SMAP1: variants seen among roughly 807,000 people sequenced by gnomAD.
SMAP1 encodes small ArfGAP 1, also known as stromal membrane-associated protein 1.
In SMAP1, 24 loss-of-function variants were observed where a neutral mutation model predicts 58.5. The observed-to-expected ratio is 0.41, with a 90% CI of 0.30 to 0.58. The LOEUF is 0.58. Ranked by LOEUF, SMAP1 falls within the 20% of genes least tolerant of loss-of-function variation. The pLI is 0.29. For synonymous variants in SMAP1, 216 were observed against 196.6 expected (o/e 1.10, Z -0.82); for missense variants, 563 against 566.3 (o/e 0.99, Z 0.06).
intron 5 of SMAP1, among the ~76,000 whole-genome samples, chr6:70,795,045 A>G (rs565535314): frequency 6.6e-6 from 1 of 152,106 alleles, no homozygotes; most frequent in South Asian, 2.1e-4. Flanking sequence ...TTCTTAATCC[A>G]GTCTGTCATT....
intron 7 of SMAP1, among the ~76,000 whole-genome samples, chr6:70,849,657 C>A (rs1484241375): frequency 6.6e-6 from 1 of 152,140 alleles, no homozygotes; most frequent in Non-Finnish European, 1.5e-5. Context: ...AATCCCCTAC[C>A]TACACATACA....
intron 1 of SMAP1, among the ~76,000 whole-genome samples, chr6:70,678,930 C>T (rs1766589053): frequency 6.6e-6 from 1 of 152,048 alleles, no homozygotes; most frequent in South Asian, 2.1e-4. Flanking sequence ...ACAGAGATTC[C>T]AAGGATAGAA....
intron 6 of SMAP1, among the ~76,000 whole-genome samples, chr6:70,828,536 C>A (rs1235965120): frequency 6.6e-6 from 1 of 152,170 alleles, no homozygotes; most frequent in African/African-American, 2.4e-5. Flanking sequence ...ATTTTTCTTC[C>A]TCACTGCAGT....
intron 3 of SMAP1, among the ~76,000 whole-genome samples, chr6:70,770,038 C>T (rs1405446376): frequency 6.6e-6 from 1 of 151,572 alleles, no homozygotes; most frequent in African/African-American, 2.4e-5. Context: ...ATATGAAATT[C>T]TGGCTTGAAA....
intron 3 of SMAP1, among the ~76,000 whole-genome samples, chr6:70,766,171 G>C (rs1248659113): frequency 6.6e-5 from 10 of 152,066 alleles, no homozygotes; most frequent in Admixed American, 6.5e-4. Flanking sequence ...TTGGTTCCAA[G>C]TCTTTGCTAT....
chr6:70,745,317 T>A (rs1355673467), intron 2 of SMAP1, among the ~76,000 whole-genome samples: 1 of 152,238 alleles, frequency 6.6e-6, no homozygotes, highest in Non-Finnish European at 1.5e-5. Context: ...GTCTAACATG[T>A]AAGTCTTTAA....
intron 1 of SMAP1, among the ~76,000 whole-genome samples, chr6:70,712,781 TTTC>T (rs1768106886): frequency 6.8e-6 from 1 of 147,984 alleles, no homozygotes; most frequent in African/African-American, 2.6e-5. Flanking sequence ...TCTTTTCTTT[TTTC>T]TTTTTTTCTT....
intron 1 of SMAP1, among the ~76,000 whole-genome samples, chr6:70,725,093 GTTTTTTTTTTTTTTTTTTTTTTTTTTTT>G (rs745587315): frequency 6.7e-4 from 32 of 47,822 alleles, no homozygotes; most frequent in African/African-American, 1.5e-3. Context: ...ATTAACCAGT[GTTTTTTTTTTTTTTTTTTTTTTTTTTTT>G]TTTTTTTTTT....
intron 1 of SMAP1, among the ~76,000 whole-genome samples, chr6:70,692,315 C>T (rs970670255): frequency 3.3e-5 from 5 of 152,132 alleles, no homozygotes; most frequent in South Asian, 2.1e-4. Context: ...TGTTTGAGCT[C>T]ATTATATATT....
At chr6:70,753,389 C>T (rs2149887589) in intron 2 of SMAP1, among the ~76,000 whole-genome samples, 1 of 152,202 alleles carries the variant, frequency 6.6e-6, no homozygotes, top group Middle Eastern at 3.4e-3. Context: ...TTACTTTTTG[C>T]TTCATTGCAG....
intron 4 of SMAP1, among the ~76,000 whole-genome samples, chr6:70,789,248 CA>C (rs1477814446): frequency 6.6e-6 from 1 of 152,092 alleles, no homozygotes; most frequent in African/African-American, 2.4e-5. Context: ...TGAATTTTTA[CA>C]AATACATATC....
rs563400186 is a variant in SMAP1, at chr6:70,762,760, C to T, written c.338+7695C>T. Among the ~76,000 whole-genome samples, 38 of 152,226 alleles carry T rather than the reference C, an allele frequency of 2.5e-4. 1 individual carries two copies. The South Asian group carries it at 6.6e-3, about 27-fold the overall frequency. ...TGAAAAACACTATGTACCAAACATACCAACTTTGGCTTCTTATAATTTTTA... is the reference window on the plus strand; with the variant it reads ...TGAAAAACACTATGTACCAAACATATCAACTTTGGCTTCTTATAATTTTTA... On this transcript the variant is annotated intron_variant, in intron 3 of 10. Coordinates refer to ENST00000370455, the MANE Select transcript of SMAP1 (RefSeq NM_001044305.3).
Position 70,672,082 on chromosome 6 carries a change from TGAA to T in SMAP1, c.118+3944_118+3946del, listed in dbSNP as rs1189503652. Among the ~76,000 whole-genome samples, 3 of 152,216 alleles carry T rather than the reference TGAA, an allele frequency of 2.0e-5. No homozygotes were observed. In the East Asian group the frequency reaches 5.8e-4, roughly 29 times the overall value. ...TTTCTTTGTTCCGCAGATCTTGACTTGAAGACACACTGTTAGATATTGTATTAG... is the reference window on the plus strand; with the variant it reads ...TTTCTTTGTTCCGCAGATCTTGACTTGACACACTGTTAGATATTGTATTAG... On this transcript the variant is annotated intron_variant, in intron 1 of 10. Coordinates refer to ENST00000370455, the MANE Select transcript of SMAP1 (RefSeq NM_001044305.3).
At chr6:70,830,214 T>G (rs949185052) in intron 6 of SMAP1, among the ~76,000 whole-genome samples, 4 of 152,232 alleles carry the variant, frequency 2.6e-5, no homozygotes, top group African/African-American at 9.6e-5. Context: ...AAATTTCCTA[T>G]GCAATGTTTT....
intron 6 of SMAP1, among the ~76,000 whole-genome samples, chr6:70,826,493 G>A (rs905532523): frequency 5.3e-5 from 8 of 152,204 alleles, no homozygotes; most frequent in African/African-American, 1.9e-4. Context: ...GGCTGGCATG[G>A]TGTCTCACAC....
At chr6:70,756,677 G>A (rs1293746948) in intron 3 of SMAP1, among the ~76,000 whole-genome samples, 7 of 151,876 alleles carry the variant, frequency 4.6e-5, no homozygotes, top group Non-Finnish European at 1.0e-4. Context: ...AACACATGAA[G>A]GATTTTGTCA....
chr6:70,772,575 A>G (rs1767376698), intron 3 of SMAP1, among the ~76,000 whole-genome samples: 1 of 152,220 alleles, frequency 6.6e-6, no homozygotes, highest in Non-Finnish European at 1.5e-5. Context: ...TTTCAGTGGA[A>G]TATGATGAGT....
intron 2 of SMAP1, among the ~76,000 whole-genome samples, chr6:70,737,369 C>T (rs111580989): frequency 2.6e-3 from 395 of 152,130 alleles, no homozygotes; most frequent in African/African-American, 6.7e-3. Context: ...CTGGTCTCAG[C>T]GTCCTGACCT....
chr6:70,686,477 CTTTGT>C (rs1419360738), intron 1 of SMAP1, among the ~76,000 whole-genome samples: 1 of 152,068 alleles, frequency 6.6e-6, no homozygotes, highest in Non-Finnish European at 1.5e-5. Context: ...GTCAGGGTTA[CTTTGT>C]TTTGTTTGAG....
Sources: gnomAD v4.1 joint callset for allele counts (sites outside exome capture counted in the v4.1 genomes callset) on GRCh38, gnomAD v4.1.1 for gene constraint, MANE v1.5 for transcripts, NCBI Gene and HGNC (gene_info 2026-07-23, HGNC 2026-07-21) for gene names.